The following SLC2A13 variants were observed in gnomAD, a reference collection of about 807,000 sequenced individuals.
SLC2A13 encodes proton myo-inositol cotransporter.
Under a neutral mutation model 64.4 loss-of-function variants are expected in SLC2A13, and 32 were observed. The ratio of observed to expected loss-of-function variants is 0.50; its 90% confidence interval spans 0.37 to 0.67. The LOEUF (loss-of-function observed/expected upper bound fraction) is 0.67, where lower values mean the gene tolerates loss of function less well. SLC2A13 is among the 30% of genes least tolerant of loss of function. The pLI is 0.00. For synonymous variants in SLC2A13, 338 were observed against 327.1 expected, an observed-to-expected ratio of 1.03 and a Z score of -0.36; for missense variants, 743 against 829.2, an observed-to-expected ratio of 0.90 and a Z score of 1.28.
chr12:40,046,281 G>T (rs1948170010), intron 2 of SLC2A13, among the ~76,000 whole-genome samples: 1 of 152,172 alleles, frequency 6.6e-6, no homozygotes, highest in South Asian at 2.1e-4. Context: ...CTGCAAGGGG[G>T]TTTCAGGCTT....
intron 7 of SLC2A13, among the ~76,000 whole-genome samples, chr12:39,795,820 G>A (rs1941553700): frequency 6.6e-6 from 1 of 152,104 alleles, no homozygotes; most frequent in Non-Finnish European, 1.5e-5. Flanking sequence ...GGCTGAGGGA[G>A]GAAACTTCCT....
intron 3 of SLC2A13, among the ~76,000 whole-genome samples, chr12:39,963,110 A>AC (rs1946443961): frequency 6.6e-6 from 1 of 151,368 alleles, no homozygotes; most frequent in South Asian, 2.1e-4. Flanking sequence ...CACGGTGAAA[A>AC]CCCGTCTCTA....
intron 1 of SLC2A13, among the ~76,000 whole-genome samples, chr12:40,099,488 T>C (rs1939075168): frequency 1.3e-5 from 2 of 152,246 alleles, no homozygotes; most frequent in South Asian, 4.1e-4. Context: ...AAGATGTTAG[T>C]GTGAAGTCAG....
At chr12:39,986,228 C>T (rs1947028669) in intron 3 of SLC2A13, among the ~76,000 whole-genome samples, 1 of 151,988 alleles carries the variant, frequency 6.6e-6, no homozygotes, top group Non-Finnish European at 1.5e-5. Flanking sequence ...GGGGCCTAAC[C>T]TTGGGGTTAG....
chr12:39,994,835 T>C (rs1417881953), intron 3 of SLC2A13, among the ~76,000 whole-genome samples: 2 of 152,222 alleles, frequency 1.3e-5, no homozygotes, highest in Admixed American at 1.3e-4. Flanking sequence ...AGATAGTGCA[T>C]GTGCAAGCAA....
chr12:39,940,185 G>A (rs1455618959), intron 4 of SLC2A13, among the ~76,000 whole-genome samples: 1 of 152,154 alleles, frequency 6.6e-6, no homozygotes, highest in Non-Finnish European at 1.5e-5. Context: ...TTGGACTAGG[G>A]AGGCAGAGAG....
chr12:39,809,684 GT>G (rs1566815867), intron 7 of SLC2A13, among the ~76,000 whole-genome samples: 2 of 152,062 alleles, frequency 1.3e-5, no homozygotes, highest in Non-Finnish European at 2.9e-5. Flanking sequence ...AGTCTCTGGT[GT>G]GTGATGTTCC....
chr12:39,820,393 C>CA (rs1007873674), intron 7 of SLC2A13, among the ~76,000 whole-genome samples: 3 of 152,156 alleles, frequency 2.0e-5, no homozygotes, highest in Non-Finnish European at 4.4e-5. Context: ...TTGTGATTGG[C>CA]ATTGGTTCAT....
intron 4 of SLC2A13, among the ~76,000 whole-genome samples, chr12:39,897,753 A>G (rs1944965996): frequency 6.6e-6 from 1 of 152,202 alleles, no homozygotes; most frequent in Admixed American, 6.5e-5. Context: ...AAAACAAAAA[A>G]TATTTTAAAA....
intron 1 of SLC2A13, among the ~76,000 whole-genome samples, chr12:40,055,453 G>T (rs183352787): frequency 2.0e-5 from 3 of 152,286 alleles, no homozygotes; most frequent in Admixed American, 2.0e-4. Context: ...TCCCAGTAGA[G>T]CCTGTATCAC....
intron 3 of SLC2A13, among the ~76,000 whole-genome samples, chr12:39,976,364 A>G (rs1243128061): frequency 6.6e-6 from 1 of 152,208 alleles, no homozygotes; most frequent in Non-Finnish European, 1.5e-5. Flanking sequence ...GCACTTACCA[A>G]AGTAGACAAT....
At chr12:39,883,151 T>G (rs1944385493) in intron 4 of SLC2A13, among the ~76,000 whole-genome samples, 1 of 152,136 alleles carries the variant, frequency 6.6e-6, no homozygotes, top group Admixed American at 6.6e-5. Context: ...TTTAATCTCT[T>G]TAATAATTAT....
intron 4 of SLC2A13, among the ~76,000 whole-genome samples, chr12:39,936,525 T>C (rs555375998): frequency 1.0e-3 from 152 of 152,238 alleles, no homozygotes; most frequent in Non-Finnish European, 1.8e-3. Flanking sequence ...TTAGGCCCTA[T>C]TTCCTTATTG....
intron 4 of SLC2A13, among the ~76,000 whole-genome samples, chr12:39,930,180 T>G (rs947574594): frequency 1.3e-5 from 2 of 150,170 alleles, no homozygotes; most frequent in African/African-American, 4.9e-5. Context: ...ACCTACTTAC[T>G]ACTATAGGAG....
At chr12:40,007,207 A>C (rs1296622156) in intron 3 of SLC2A13, among the ~76,000 whole-genome samples, 3 of 152,196 alleles carry the variant, frequency 2.0e-5, no homozygotes, top group African/African-American at 7.2e-5. Flanking sequence ...ACTCATTCAT[A>C]ATTTTCTATT....
At chr12:39,818,592 T>C (rs1211850103) in intron 7 of SLC2A13, among the ~76,000 whole-genome samples, 1 of 152,198 alleles carries the variant, frequency 6.6e-6, no homozygotes, top group African/African-American at 2.4e-5. Context: ...TCAGCATGTA[T>C]CTCTGCTTTG....
intron 4 of SLC2A13, among the ~76,000 whole-genome samples, chr12:39,938,485 A>G (rs1945958767): frequency 7.6e-6 from 1 of 132,170 alleles, no homozygotes; most frequent in African/African-American, 2.8e-5. Flanking sequence ...GCAATGATAC[A>G]GTAAATATTG....
chr12:39,892,234 T>C (rs1944631209), intron 4 of SLC2A13, among the ~76,000 whole-genome samples: 1 of 152,250 alleles, frequency 6.6e-6, no homozygotes, highest in South Asian at 2.1e-4. Context: ...TACCCTTGTC[T>C]ATCTCATTAA....
At chr12:40,089,327 G>A (rs1233495796) in intron 1 of SLC2A13, among the ~76,000 whole-genome samples, 1 of 152,176 alleles carries the variant, frequency 6.6e-6, no homozygotes, top group East Asian at 1.9e-4. Flanking sequence ...TAACTCAGGT[G>A]TTGTCAGTGA....
Sources: allele counts gnomAD v4.1 joint callset (sites outside exome capture counted in the v4.1 genomes callset), GRCh38; gene constraint gnomAD v4.1.1; transcripts MANE v1.5; gene names NCBI Gene and HGNC (gene_info 2026-07-23, HGNC 2026-07-21).